IL1RAPL2: variants seen among roughly 807,000 people sequenced by gnomAD.
IL1RAPL2 encodes the protein interleukin 1 receptor accessory protein like 2, also known as X-linked interleukin-1 receptor accessory protein-like 2.
Under a neutral mutation model 44.1 loss-of-function variants are expected in IL1RAPL2, and 3 were observed. The ratio of observed to expected loss-of-function variants is 0.07; its 90% CI spans 0.03 to 0.18. The LOEUF is 0.18. Ranked by LOEUF, IL1RAPL2 falls within the 10% of genes least tolerant of loss-of-function variation. The pLI is 1.00. For missense variants in IL1RAPL2, 391 were observed against 496.4 expected (o/e 0.79, Z 2.02); for synonymous variants, 181 against 178.8 (o/e 1.01, Z -0.10).
At chrX:105,560,970 G>C (rs1189082750) in intron 6 of IL1RAPL2, among the ~76,000 whole-genome samples, 1 of 110,838 alleles carries the variant, frequency 9.0e-6, no homozygotes, top group African/African-American at 3.3e-5. Flanking sequence ...AATTCCTGTC[G>C]TTCACAGCAA....
intron 5 of IL1RAPL2, among the ~76,000 whole-genome samples, chrX:105,343,364 A>G (rs1329460162): frequency 8.9e-6 from 1 of 112,416 alleles, no homozygotes; most frequent in African/African-American, 3.2e-5. Context: ...AACTTTTATT[A>G]ATATTTTGAT....
intron 1 of IL1RAPL2, among the ~76,000 whole-genome samples, chrX:104,600,821 C>G (rs1602637638): frequency 9.0e-6 from 1 of 111,567 alleles, no homozygotes; most frequent in Middle Eastern, 4.6e-3. Context: ...TCCAGCTCCA[C>G]CCATATTGCT....
chrX:105,336,243 T>C (rs1411248168), intron 5 of IL1RAPL2, among the ~76,000 whole-genome samples: 1 of 112,221 alleles, frequency 8.9e-6, no homozygotes, highest in Non-Finnish European at 1.9e-5. Flanking sequence ...AGTTATAAAA[T>C]GATAGCATCA....
chrX:105,410,565 C>T (rs1257546938), intron 5 of IL1RAPL2, among the ~76,000 whole-genome samples: 1 of 110,676 alleles, frequency 9.0e-6, no homozygotes, highest in Non-Finnish European at 1.9e-5. Flanking sequence ...ACTATTTCCC[C>T]TCCTGGGATA....
chrX:105,196,607 T>C (rs1253400900), intron 3 of IL1RAPL2, among the ~76,000 whole-genome samples: 4 of 111,766 alleles, frequency 3.6e-5, no homozygotes, highest in African/African-American at 1.3e-4. Context: ...CATCCTGAGT[T>C]TCTGGGTACT....
rs186191374 is a variant in IL1RAPL2 at position 105,444,774 on chromosome X, T to C, written c.698-39539T>C. Among the ~76,000 whole-genome samples the C allele has an allele frequency of 1.3e-3, 144 of 110,964 alleles. 1 individual carries two copies. Among genetic ancestry groups the C allele is most frequent in the Non-Finnish European group, 4.0e-4 (21 of 52,942 alleles). On this transcript the variant is annotated intron_variant, in intron 5 of 10. Transcript: ENST00000372582. ...ATCTAGGTTTTAAGCCCAGCATGCA[T>C]TAGCTATTGGTCCTAATGCTCTCCC...
At chrX:105,593,702 A>C (rs1272888727) in intron 6 of IL1RAPL2, among the ~76,000 whole-genome samples, 1 of 109,270 alleles carries the variant, frequency 9.2e-6, no homozygotes, top group Non-Finnish European at 1.9e-5. Flanking sequence ...TCAACTCATC[A>C]CTCCTGGGCT....
intron 1 of IL1RAPL2, among the ~76,000 whole-genome samples, chrX:104,576,271 C>T (rs1446556506): frequency 9.0e-6 from 1 of 111,312 alleles, no homozygotes; most frequent in Non-Finnish European, 1.9e-5. Context: ...CTCTAAAATC[C>T]ATGCATTTAA....
intron 5 of IL1RAPL2, among the ~76,000 whole-genome samples, chrX:105,276,890 A>G (rs1253760344): frequency 8.9e-6 from 1 of 112,078 alleles, no homozygotes; most frequent in Non-Finnish European, 1.9e-5. Context: ...AACTGGGAAC[A>G]GCATTCAGAA....
At chrX:105,406,740 A>G (rs1272706872) in intron 5 of IL1RAPL2, 7 of 1,201,053 alleles carry the variant, frequency 5.8e-6, no homozygotes, top group Admixed American at 2.2e-5. Context: ...CAGAAGGAGC[A>G]TCCCTGAAAC....
At chrX:104,898,876 T>C (rs191985206) in intron 2 of IL1RAPL2, among the ~76,000 whole-genome samples, 74 of 112,832 alleles carry the variant, frequency 6.6e-4, no homozygotes, top group African/African-American at 2.2e-3. Context: ...ATTTTGCTTC[T>C]ATTTCTGCTG....
At chrX:104,921,686 C>T (rs1432535192) in intron 2 of IL1RAPL2, among the ~76,000 whole-genome samples, 1 of 112,653 alleles carries the variant, frequency 8.9e-6, no homozygotes, top group Non-Finnish European at 1.9e-5. Flanking sequence ...GAGCACAGCT[C>T]GGGTTCATGT....
intron 3 of IL1RAPL2, among the ~76,000 whole-genome samples, chrX:105,216,946 A>G (rs1312864940): frequency 1.8e-5 from 2 of 111,458 alleles, no homozygotes; most frequent in East Asian, 5.6e-4. Flanking sequence ...TTATACAAAA[A>G]TTAATTCAAG....
intron 6 of IL1RAPL2, among the ~76,000 whole-genome samples, chrX:105,567,383 G>A (rs980015659): frequency 1.8e-5 from 2 of 111,504 alleles, no homozygotes; most frequent in African/African-American, 6.5e-5. Flanking sequence ...CATACAAGCA[G>A]GGAGGTATTT....
chrX:105,282,019 A>G (rs1273419977), intron 5 of IL1RAPL2, among the ~76,000 whole-genome samples: 1 of 112,004 alleles, frequency 8.9e-6, no homozygotes, highest in East Asian at 2.8e-4. Context: ...GGGGGCTATT[A>G]AAAAGCAAAG....
At chrX:104,709,402 A>G (rs762035652) in intron 2 of IL1RAPL2, among the ~76,000 whole-genome samples, 9 of 111,131 alleles carry the variant, frequency 8.1e-5, no homozygotes, top group African/African-American at 2.3e-4. Flanking sequence ...AACCAGCTCA[A>G]CTTCTCTCTT....
chrX:104,815,717 A>G (rs747813006), intron 2 of IL1RAPL2, among the ~76,000 whole-genome samples: 28 of 111,304 alleles, frequency 2.5e-4, no homozygotes, highest in Admixed American at 4.8e-4. Context: ...CCATGGACAC[A>G]ATTTTGTGAA....
chrX:105,646,809 TA>T (rs749283102), intron 6 of IL1RAPL2, among the ~76,000 whole-genome samples: 5 of 111,883 alleles, frequency 4.5e-5, no homozygotes, highest in Non-Finnish European at 7.5e-5. Context: ...GCCACTGCAT[TA>T]GGGGCCATAC....
intron 5 of IL1RAPL2, among the ~76,000 whole-genome samples, chrX:105,399,163 T>C (rs1023746750): frequency 8.9e-6 from 1 of 111,791 alleles, no homozygotes; most frequent in Non-Finnish European, 1.9e-5. Flanking sequence ...AGCTGGTGCA[T>C]ATCATCCTCA....
Sources: allele counts gnomAD v4.1 joint callset (sites outside exome capture counted in the v4.1 genomes callset), GRCh38; gene constraint gnomAD v4.1.1; transcripts MANE v1.5; gene names NCBI Gene and HGNC (gene_info 2026-07-23, HGNC 2026-07-21).